The following TDRD7 variants were observed in gnomAD, a reference collection of about 807,000 sequenced individuals.
TDRD7 encodes the protein tudor domain containing 7.
Under a neutral mutation model 109.8 loss-of-function variants are expected in TDRD7, and 47 were observed. The observed-to-expected ratio is 0.43, with a 90% CI of 0.34 to 0.55. The LOEUF (loss-of-function observed/expected upper bound fraction) is 0.55. Among genes scored for constraint, TDRD7 ranks in the 20% least tolerant of loss-of-function variants. The pLI is 0.03. For missense variants in TDRD7, 1,164 were observed against 1,319.2 expected, an observed-to-expected ratio of 0.88 and a Z score of 1.82; for synonymous variants, 424 against 457.3, an observed-to-expected ratio of 0.93 and a Z score of 0.93.
At chr9:97,459,619 G>C (rs1828674582) in intron 6 of TDRD7, among the ~76,000 whole-genome samples, 1 of 152,212 alleles carries the variant, frequency 6.6e-6, no homozygotes, top group Admixed American at 6.5e-5. Context: ...ATACTTGTTT[G>C]TTAGAGTGAC....
chr9:97,438,896 A>G (rs1450104078), intron 4 of TDRD7, among the ~76,000 whole-genome samples: 1 of 152,140 alleles, frequency 6.6e-6, no homozygotes, highest in Non-Finnish European at 1.5e-5. Flanking sequence ...TTTTGGTTAT[A>G]TTCCAAAATG....
intron 11 of TDRD7, 120 bp downstream of exon 11, chr9:97,473,746 A>G: frequency 7.6e-7 from 1 of 1,317,410 alleles, no homozygotes; most frequent in Non-Finnish European, 1.1e-6. Flanking sequence ...GTAGTCTGAA[A>G]TGGAATCTCT....
At chr9:97,493,166 C>T (rs970664258) in intron 16 of TDRD7, among the ~76,000 whole-genome samples, 1 of 152,160 alleles carries the variant, frequency 6.6e-6, no homozygotes, top group Admixed American at 6.5e-5. Flanking sequence ...CACTGGATGC[C>T]CACCCTTTCA....
chr9:97,451,542 C>T (rs1828492902), intron 6 of TDRD7, among the ~76,000 whole-genome samples: 1 of 152,224 alleles, frequency 6.6e-6, no homozygotes, highest in Non-Finnish European at 1.5e-5. Flanking sequence ...TCCTCCTGCC[C>T]CAGGCTCCCA....
At chr9:97,486,879 A>G (rs559553494) in intron 15 of TDRD7, among the ~76,000 whole-genome samples, 1 of 152,260 alleles carries the variant, frequency 6.6e-6, no homozygotes, top group East Asian at 1.9e-4. Flanking sequence ...TGTTTCTTCT[A>G]ATTAATGATG....
chr9:97,437,506 T>A (rs1296989623), intron 4 of TDRD7, among the ~76,000 whole-genome samples: 1 of 152,172 alleles, frequency 6.6e-6, no homozygotes, highest in African/African-American at 2.4e-5. Flanking sequence ...TTATTTGTGA[T>A]CCCTTCAGCC....
intron 7 of TDRD7, among the ~76,000 whole-genome samples, chr9:97,462,968 G>A (rs1044664134): frequency 6.6e-6 from 1 of 152,214 alleles, no homozygotes; most frequent in Admixed American, 6.5e-5. Flanking sequence ...GAGCACCCAG[G>A]GCTACATAGC....
At chr9:97,476,594 T>C (rs971354112) in intron 12 of TDRD7, among the ~76,000 whole-genome samples, 6 of 150,564 alleles carry the variant, frequency 4.0e-5, no homozygotes, top group African/African-American at 1.5e-4. Context: ...CAAAAAAAAA[T>C]TAAGAAAAAA....
intron 7 of TDRD7, 102 bp downstream of exon 7, chr9:97,460,866 G>T: frequency 8.8e-7 from 1 of 1,135,520 alleles, no homozygotes; most frequent in Admixed American, 2.0e-5. Context: ...ATATGGCCGG[G>T]TGCGGTGGCT....
intron 5 of TDRD7, among the ~76,000 whole-genome samples, chr9:97,440,641 C>T (rs892500225): frequency 6.6e-6 from 1 of 152,134 alleles, no homozygotes; most frequent in Non-Finnish European, 1.5e-5. Context: ...GTCCAAGTGT[C>T]CTCAAGGAAT....
intron 6 of TDRD7, among the ~76,000 whole-genome samples, chr9:97,442,411 A>C (rs1247209809): frequency 6.6e-6 from 1 of 152,176 alleles, no homozygotes; most frequent in African/African-American, 2.4e-5. Context: ...AAATTAGAAA[A>C]AAAATTTAAA....
chr9:97,495,311 GA>G (rs1195799781), intron 16 of TDRD7, among the ~76,000 whole-genome samples: 5 of 151,884 alleles, frequency 3.3e-5, no homozygotes, highest in Middle Eastern at 3.2e-3. Flanking sequence ...TTTAATGAAA[GA>G]AATGTCATTT....
chr9:97,425,397 C>A (rs1297522337), intron 1 of TDRD7, among the ~76,000 whole-genome samples: 3 of 152,108 alleles, frequency 2.0e-5, no homozygotes, highest in African/African-American at 7.2e-5. Context: ...ACAGTACTTA[C>A]CATTGTGTTA....
chr9:97,421,467 A>G (rs1827898263), intron 1 of TDRD7, among the ~76,000 whole-genome samples: 1 of 152,186 alleles, frequency 6.6e-6, no homozygotes, highest in African/African-American at 2.4e-5. Flanking sequence ...TTGTTTATAT[A>G]TGACTACCAA....
intron 8 of TDRD7, among the ~76,000 whole-genome samples, chr9:97,469,161 A>G (rs1165453886): frequency 6.6e-6 from 1 of 152,222 alleles, no homozygotes; most frequent in African/African-American, 2.4e-5. Context: ...GGGCCTGGGA[A>G]GAACAGAATC....
chr9:97,485,536 A>T (rs1009110166), intron 15 of TDRD7, among the ~76,000 whole-genome samples: 2 of 152,228 alleles, frequency 1.3e-5, no homozygotes, highest in Non-Finnish European at 2.9e-5. Context: ...GTTGGTGGAA[A>T]CCAAGTGTTT....
At chr9:97,447,056 T>C (rs984772904) in intron 6 of TDRD7, among the ~76,000 whole-genome samples, 12 of 152,210 alleles carry the variant, frequency 7.9e-5, no homozygotes, top group Non-Finnish European at 1.2e-4. Flanking sequence ...AAAAGAAATA[T>C]ATAATGAACA....
chr9:97,493,972 A>C (rs925405590), intron 16 of TDRD7, among the ~76,000 whole-genome samples: 2 of 152,200 alleles, frequency 1.3e-5, no homozygotes, highest in African/African-American at 4.8e-5. Flanking sequence ...GTTCAAACAC[A>C]CATGCTCTAC....
chr9:97,493,526 C>G (rs770328707), intron 16 of TDRD7, among the ~76,000 whole-genome samples: 1 of 152,086 alleles, frequency 6.6e-6, no homozygotes, highest in Non-Finnish European at 1.5e-5. Context: ...ACCACAGGAC[C>G]GGGGCGAAAT....
Sources: gnomAD v4.1 joint callset for allele counts (sites outside exome capture counted in the v4.1 genomes callset) on GRCh38, gnomAD v4.1.1 for gene constraint, MANE v1.5 for transcripts, NCBI Gene and HGNC (gene_info 2026-07-23, HGNC 2026-07-21) for gene names.